The following SYTL4 variants were observed in gnomAD, a reference collection of about 807,000 sequenced individuals.
The protein encoded by SYTL4 is synaptotagmin-like protein 4.
SYTL4 carries 16 observed loss-of-function variants against 52.7 expected under a neutral mutation model. The ratio of observed to expected loss-of-function variants is 0.30; its 90% CI spans 0.21 to 0.46. SYTL4 has a LOEUF of 0.46. Ranked by LOEUF, SYTL4 falls within the 20% of genes least tolerant of loss-of-function variation. The pLI, the probability that SYTL4 is intolerant of heterozygous loss-of-function variation, is 1.00. For synonymous variants in SYTL4, 160 were observed against 186.6 expected (o/e 0.86, Z 1.16); for missense variants, 423 against 519.9 (o/e 0.81, Z 1.81).
At chrX:100,704,209 T>TTCC (rs967563303) in intron 3 of SYTL4, among the ~76,000 whole-genome samples, 1 of 111,970 alleles carries the variant, frequency 8.9e-6, no homozygotes, top group Admixed American at 9.5e-5. Context: ...TCAAGTGATC[T>TTCC]TCCTGCCTCA....
At position 100,675,190 on chromosome X, in the gene SYTL4, C is replaced by G. The variant is rs2083257041; in HGVS notation, c.*838G>C. The G allele has an allele frequency of 8.9e-6, 1 of 112,758 alleles. No homozygotes were observed. Among genetic ancestry groups the G allele is most frequent in the Admixed American group, 9.4e-5 (1 of 10,653 alleles). The allele number at this position is 112,758 out of a possible 1,213,427, so 9.3% of individuals were successfully genotyped here. A position where few individuals can be genotyped will look rare whatever the true frequency, so the allele number is the denominator to read the frequency against. On this transcript the variant is annotated 3_prime_UTR_variant, in exon 20 of 20. Transcript: ENST00000372989. ...GCTCTCTCTCCAATGACTGCAGTAT[C>G]AGTTTAAAATGCAGAAAATTCAGCA...
chrX:100,716,450 C>CAAAAAAAAAAA (rs200368843), intron 2 of SYTL4, among the ~76,000 whole-genome samples: 70 of 25,767 alleles, frequency 2.7e-3, no homozygotes, highest in Non-Finnish European at 3.4e-3. Flanking sequence ...AACTCCATCT[C>CAAAAAAAAAAA]AAAAAAAAAA....
chrX:100,723,696 G>A (rs1479182197), intron 2 of SYTL4, among the ~76,000 whole-genome samples: 47 of 107,791 alleles, frequency 4.4e-4, no homozygotes, highest in East Asian at 3.0e-4. Flanking sequence ...CTGCCCTGCC[G>A]CCCCGTCTGG....
intron 2 of SYTL4, among the ~76,000 whole-genome samples, chrX:100,716,236 G>T (rs1352064123): frequency 9.3e-6 from 1 of 107,377 alleles, no homozygotes; most frequent in African/African-American, 3.4e-5. Context: ...GATCACCTGA[G>T]GTTGGGAGTT....
rs191172754 is a variant in SYTL4 at position 100,702,803 on chromosome X, C to G, written c.-71+290G>C. Among the ~76,000 whole-genome samples the G allele has an allele frequency of 3.6e-5, 4 of 111,992 alleles. No homozygotes were observed. In the East Asian group the frequency reaches 8.4e-4, roughly 23 times the overall value. ...CACAGAGTAGCAGGGGAGACAGACACACATAAATACAGTACAACGCATTAA... is the reference window on the plus strand; with the variant it reads ...CACAGAGTAGCAGGGGAGACAGACAGACATAAATACAGTACAACGCATTAA... On this transcript the variant is annotated intron_variant, in intron 4 of 19. Coordinates refer to ENST00000372989, the MANE Select transcript of SYTL4 (RefSeq NM_001370165.1).
At chrX:100,711,229 T>C (rs2084060822) in intron 2 of SYTL4, among the ~76,000 whole-genome samples, 1 of 111,884 alleles carries the variant, frequency 8.9e-6, no homozygotes, top group Admixed American at 9.5e-5. Flanking sequence ...GCAAGTATAC[T>C]TATAGTAATA....
intron 2 of SYTL4, among the ~76,000 whole-genome samples, chrX:100,724,545 G>C (rs767498888): frequency 9.6e-6 from 1 of 104,016 alleles, no homozygotes; most frequent in Non-Finnish European, 2.0e-5. Flanking sequence ...CTTCTTCCTT[G>C]GGATCCTGTT....
chrX:100,714,018 G>A (rs182640352), intron 2 of SYTL4, among the ~76,000 whole-genome samples: 1 of 111,244 alleles, frequency 9.0e-6, no homozygotes, highest in African/African-American at 3.3e-5. Flanking sequence ...AACTTTTGGA[G>A]GTGATAGATG....
intron 16 of SYTL4, 131 bp downstream of exon 16, chrX:100,685,859 A>T: frequency 1.6e-6 from 1 of 634,282 alleles, no homozygotes; most frequent in Non-Finnish European, 2.2e-6. Context: ...TCAAACTCAG[A>T]AACACCAGCA....
chrX:100,723,536 C>G (rs969359563), intron 2 of SYTL4, among the ~76,000 whole-genome samples: 1 of 111,867 alleles, frequency 8.9e-6, no homozygotes, highest in Non-Finnish European at 1.9e-5. Context: ...TCTGCCCGGC[C>G]GCCACCCCAT....
At chrX:100,698,399 A>T (rs775142590) in intron 8 of SYTL4, among the ~76,000 whole-genome samples, 2 of 112,197 alleles carry the variant, frequency 1.8e-5, no homozygotes, top group East Asian at 5.6e-4. Flanking sequence ...CACTGTGCCC[A>T]GCCCTTAAAT....
intron 8 of SYTL4, among the ~76,000 whole-genome samples, chrX:100,693,050 C>T (rs766116827): frequency 8.9e-6 from 1 of 111,906 alleles, no homozygotes; most frequent in South Asian, 3.8e-4. Context: ...CTGCCTCAGC[C>T]TCTTGAGTAG....
At chrX:100,682,330 G>A (rs1485339721) in intron 16 of SYTL4, among the ~76,000 whole-genome samples, 3 of 110,452 alleles carry the variant, frequency 2.7e-5, no homozygotes, top group African/African-American at 9.9e-5. Context: ...AATGAGAATA[G>A]TATATATCAT....
intron 2 of SYTL4, among the ~76,000 whole-genome samples, chrX:100,721,221 G>A (rs5921634): frequency 4.6e-4 from 51 of 111,949 alleles, no homozygotes; most frequent in Non-Finnish European, 8.8e-4. Context: ...AAAGAGGTAT[G>A]AGTTTTCATA....
intron 8 of SYTL4, among the ~76,000 whole-genome samples, chrX:100,694,343 C>G (rs928016753): frequency 4.5e-5 from 5 of 111,450 alleles, no homozygotes; most frequent in African/African-American, 1.6e-4. Context: ...TCCTCAGCCT[C>G]CCTTGCTCAC....
At chrX:100,679,070 A>C (rs2083329664) in intron 18 of SYTL4, among the ~76,000 whole-genome samples, 1 of 111,956 alleles carries the variant, frequency 8.9e-6, no homozygotes, top group East Asian at 2.8e-4. Context: ...ACCCAGAATT[A>C]ATTAAGAACA....
intron 2 of SYTL4, among the ~76,000 whole-genome samples, chrX:100,726,412 G>A (rs745441922): frequency 5.5e-4 from 61 of 110,480 alleles, no homozygotes; most frequent in Non-Finnish European, 9.6e-4. Flanking sequence ...TTTACTCTCT[G>A]GTGAACCTTT....
rs1005470792 is a variant in SYTL4, at chrX:100,686,290, G to A, written c.1288-139C>T. The A allele has an allele frequency of 6.9e-6, 4 of 577,714 alleles. No homozygotes were observed. In the Admixed American group the frequency reaches 1.7e-4, roughly 25 times the overall value. 47.6% of individuals were successfully genotyped at this position (577,714 alleles called of 1,213,427 possible). ...ACTTTATGTTCCCTGAGCACTTTGA[G>A]TTTCCTCACTCAAAGCCTCAACTTA... On this transcript the variant is annotated intron_variant, in intron 15 of 19. Transcript: ENST00000372989.
chrX:100,685,818 A>G (rs1172628267), intron 16 of SYTL4, 172 bp downstream of exon 16: 1 of 478,661 alleles, frequency 2.1e-6, no homozygotes, highest in Non-Finnish European at 3.3e-6. Flanking sequence ...CAGAACTCAC[A>G]CTTGATAGAC....
Sources: gnomAD v4.1 joint callset for allele counts (sites outside exome capture counted in the v4.1 genomes callset) on GRCh38, gnomAD v4.1.1 for gene constraint, MANE v1.5 for transcripts, NCBI Gene and HGNC (gene_info 2026-07-23, HGNC 2026-07-21) for gene names.